Variants in NXPE4 observed in about 807,000 individuals in gnomAD.
NXPE4 encodes neurexophilin and PC-esterase domain family member 4, also known as NXPE family member 4.
Under a neutral mutation model 33.3 loss-of-function variants are expected in NXPE4, and 42 were observed. The ratio of observed to expected loss-of-function variants is 1.26; its 90% CI spans 0.98 to 1.63. The LOEUF (loss-of-function observed/expected upper bound fraction) is 1.63, where lower values mean the gene tolerates loss of function less well. NXPE4 is among the 40% of genes most tolerant of loss of function. The probability of loss-of-function intolerance (pLI) is 0.00; values close to 1 mark genes in which losing one functional copy is unlikely to be tolerated. For missense variants in NXPE4, 709 were observed against 647.6 expected (o/e 1.09, Z -1.03); for synonymous variants, 253 against 234.9 (o/e 1.08, Z -0.71).
the NXPE4 span, among the ~76,000 whole-genome samples, chr11:114,665,660 C>G: frequency 6.6e-6 from 1 of 152,124 alleles, no homozygotes; most frequent in Non-Finnish European, 1.5e-5. Context: ...GATAGTTCAG[C>G]AGGTTAAATA....
the NXPE4 span, among the ~76,000 whole-genome samples, chr11:114,639,813 TATAAA>T: frequency 8.4e-6 from 1 of 118,922 alleles, no homozygotes; most frequent in South Asian, 2.3e-4. Context: ...TATAAAATAA[TATAAA>T]ATATAATATA....
At chr11:114,633,248 A>T in the NXPE4 span, among the ~76,000 whole-genome samples, 2 of 135,134 alleles carry the variant, frequency 1.5e-5, no homozygotes, top group South Asian at 4.4e-4. Flanking sequence ...CATATAATAT[A>T]TAATATATAA....
the NXPE4 span, among the ~76,000 whole-genome samples, chr11:114,636,983 T>C: frequency 2.0e-5 from 3 of 152,278 alleles, no homozygotes; most frequent in South Asian, 6.2e-4. Context: ...TTAGGTCCAC[T>C]TGGTGCAGAG....
the NXPE4 span, among the ~76,000 whole-genome samples, chr11:114,668,360 C>T: frequency 2.6e-5 from 4 of 151,822 alleles, no homozygotes; most frequent in East Asian, 2.0e-4. Flanking sequence ...CTCCTAAGTT[C>T]TCAACTGCAC....
At chr11:114,578,268 A>T (rs1352909281) in intron 5 of NXPE4, among the ~76,000 whole-genome samples, 3 of 152,194 alleles carry the variant, frequency 2.0e-5, no homozygotes, top group Non-Finnish European at 4.4e-5. Context: ...CTTCCAACTT[A>T]CTTCAGTTTT....
Position 114,571,032 on chromosome 11 carries a change from C to T in NXPE4, c.1541G>A (p.Trp514Ter), listed in dbSNP as rs777414414. The change falls in exon 6 of 6, where the codon TGG becomes TAG. Residue 514 changes from tryptophan to a stop codon, truncating the protein, a stop_gained. Transcript: ENST00000375478. LOFTEE classifies it high-confidence loss of function. ...TGTGCCATATGCAATTGTTATATCC[C>T]AGGCATCAATGATACTCACACTGAG... ...QDLSVSIIDA[W>*]DITIAYGTNN... 2 of 1,613,450 alleles carry T rather than the reference C, an allele frequency of 1.2e-6. No individual in the cohort carries two copies. The highest frequency in any genetic ancestry group is 8.5e-7 in the Non-Finnish European group (1 of 1,179,488).
chr11:114,597,506 A>C (rs573158458), upstream of NXPE4, among the ~76,000 whole-genome samples: 438 of 152,326 alleles, frequency 2.9e-3, 1 homozygote, highest in African/African-American at 0.01. Context: ...TTTTTGATGG[A>C]TAAATATGCA....
intron 2 of NXPE4, chr11:114,584,287 A>G (rs1949231791): frequency 3.9e-6 from 2 of 510,768 alleles, no homozygotes; most frequent in South Asian, 1.5e-5. Context: ...CAAGCCCTAC[A>G]TCAGTCCTTC....
At chr11:114,669,382 A>C in the NXPE4 span, among the ~76,000 whole-genome samples, 6 of 152,030 alleles carry the variant, frequency 3.9e-5, no homozygotes, top group Non-Finnish European at 8.8e-5. Flanking sequence ...GGCAGGTGCA[A>C]TCAAGAAGAC....
the NXPE4 span, among the ~76,000 whole-genome samples, chr11:114,629,902 G>A: frequency 2.0e-5 from 3 of 150,302 alleles, no homozygotes; most frequent in Non-Finnish European, 4.4e-5. Flanking sequence ...GCCAAATCAT[G>A]AGTGAACTCC....
chr11:114,625,554 C>T, the NXPE4 span, among the ~76,000 whole-genome samples: 25 of 150,566 alleles, frequency 1.7e-4, no homozygotes, highest in Non-Finnish European at 3.1e-4. Context: ...CACTGTTACC[C>T]GGTGGATAAT....
At chr11:114,604,852 T>G in the NXPE4 span, among the ~76,000 whole-genome samples, 20 of 152,132 alleles carry the variant, frequency 1.3e-4, no homozygotes, top group East Asian at 2.7e-3. Context: ...GGGTATCCAC[T>G]GTTACCTGCT....
At chr11:114,618,746 TCGTGCGTAG>T in the NXPE4 span, among the ~76,000 whole-genome samples, 1 of 152,094 alleles carries the variant, frequency 6.6e-6, no homozygotes, top group Non-Finnish European at 1.5e-5. Flanking sequence ...AAGTGTTATC[TCGTGCGTAG>T]CCACTGTTAT....
chr11:114,584,488 G>T (rs1008900943), intron 2 of NXPE4: 10 of 187,166 alleles, frequency 5.3e-5, no homozygotes, highest in Non-Finnish European at 1.0e-4. Context: ...TTCTCTGACA[G>T]ATGAATTACC....
Position 114,570,844 on chromosome 11 carries a change from T to G in NXPE4, c.*94A>C. The G allele has an allele frequency of 1.2e-6, 1 of 804,702 alleles. No homozygotes were observed. The allele number at this position is 804,702 out of a possible 1,614,324, so 49.8% of individuals were successfully genotyped here. ...ATGTAGATTCTCTGCTCTTGCTAGTTGGGAATTCAGAGCCAAACACAGCAT... is the reference window on the plus strand; with the variant it reads ...ATGTAGATTCTCTGCTCTTGCTAGTGGGGAATTCAGAGCCAAACACAGCAT... On this transcript the variant is annotated 3_prime_UTR_variant, in exon 6 of 6. Coordinates refer to ENST00000375478, the MANE Select transcript of NXPE4 (RefSeq NM_001077639.2).
the NXPE4 span, among the ~76,000 whole-genome samples, chr11:114,634,368 T>G: frequency 1.3e-5 from 2 of 152,072 alleles, no homozygotes; most frequent in African/African-American, 4.8e-5. Flanking sequence ...TATTAGCCCT[T>G]TGTCAGATGA....
rs1251620487 is a variant in NXPE4 at position 114,582,398 on chromosome 11, G to A, written c.720C>T (p.Gly240=). The part of the protein sequence containing the change: ...CQYLDNRDQE[G]FYCVRPQHMP... ...TGTGTTGAGGCCTCACACAGTAGAA[G>A]CCTTCTTGGTCTCTGTTGTCCAGGT... The change falls in exon 3 of 6, where the codon GGC becomes GGT. Residue 240 remains glycine, a synonymous_variant. Coordinates refer to ENST00000375478, the MANE Select transcript of NXPE4 (RefSeq NM_001077639.2). The A allele has an allele frequency of 6.2e-7, 1 of 1,614,206 alleles. No individual in the cohort carries two copies. Among genetic ancestry groups the A allele is most frequent in the Non-Finnish European group, 8.5e-7 (1 of 1,180,018 alleles).
the NXPE4 span, among the ~76,000 whole-genome samples, chr11:114,602,302 AC>A: frequency 8.5e-6 from 1 of 117,752 alleles, no homozygotes; most frequent in Non-Finnish European, 1.6e-5. Flanking sequence ...TATAACATAT[AC>A]TATATATAAT....
the NXPE4 span, among the ~76,000 whole-genome samples, chr11:114,675,696 C>T: frequency 2.6e-5 from 4 of 151,792 alleles, no homozygotes; most frequent in Non-Finnish European, 4.4e-5. Context: ...ACAGATTTAA[C>T]GTCATCTTTA....
Sources: allele counts gnomAD v4.1 joint callset (sites outside exome capture counted in the v4.1 genomes callset), GRCh38; gene constraint gnomAD v4.1.1; transcripts MANE v1.5; gene names NCBI Gene and HGNC (gene_info 2026-07-23, HGNC 2026-07-21).